DST: variants seen among roughly 807,000 people sequenced by gnomAD.
DST encodes dystonin, also known as bullous pemphigoid antigen.
Under a neutral mutation model 875.2 loss-of-function variants are expected in DST, and 253 were observed. That is an observed-to-expected ratio of 0.29 (90% CI 0.26 to 0.32). DST has a LOEUF of 0.32. Ranked by LOEUF, DST falls within the 10% of genes least tolerant of loss-of-function variation. DST has a pLI of 1.00. For synonymous variants in DST, 3,124 were observed against 3,197.1 expected, an observed-to-expected ratio of 0.98 and a Z score of 0.77; for missense variants, 8,287 against 9,111.6, an observed-to-expected ratio of 0.91 and a Z score of 3.68.
In DST at chr6:56,501,547, G is replaced by A; in HGVS notation, c.19713C>T (p.Ser6571=). The change falls in exon 79 of 104, where the codon AGC becomes AGT. Residue 6571 remains serine (S), a synonymous_variant. Transcript: ENST00000680361. ...GTCTGTTGATGATTCTCTCCTCCAG[G>A]CTATCCCATATCAATTTCAGTTCCA... ...PLMELKLIWD[S]LEERIINRQH... is the part of the protein sequence containing the mutation. 1 of 1,597,324 alleles carries A rather than the reference G, an allele frequency of 6.3e-7. No individual in the cohort carries two copies. The highest frequency in any genetic ancestry group is 8.5e-7 in the Non-Finnish European group (1 of 1,171,178).
At chr6:56,814,959 A>C (rs942962144) in intron 4 of DST, among the ~76,000 whole-genome samples, 22 of 152,126 alleles carry the variant, frequency 1.4e-4, no homozygotes, top group African/African-American at 1.7e-4. Context: ...GAGACAGCAC[A>C]GTGTAGGTGA....
At chr6:56,617,122 C>A (rs2098634695) in intron 36 of DST, 1 of 1,611,640 alleles carries the variant, frequency 6.2e-7, no homozygotes. Flanking sequence ...GACCGAGTCG[C>A]AGCTGCTCAA....
intron 8 of DST, among the ~76,000 whole-genome samples, 169 bp from the exon 9 acceptor site, chr6:56,699,914 T>C (rs1434160810): frequency 1.3e-5 from 2 of 152,232 alleles, no homozygotes; most frequent in Non-Finnish European, 2.9e-5. Flanking sequence ...CATTTTATAT[T>C]ACAAATCATA....
At chr6:56,843,718 G>A (rs2099803565) in intron 4 of DST, 3 of 355,366 alleles carry the variant, frequency 8.4e-6, no homozygotes, top group Non-Finnish European at 1.1e-5. Flanking sequence ...AGGGTGGAGG[G>A]TGGAGGGTGG....
intron 3 of DST, among the ~76,000 whole-genome samples, chr6:56,893,360 T>C (rs1038473725): frequency 3.3e-5 from 5 of 152,186 alleles, no homozygotes; most frequent in Non-Finnish European, 7.3e-5. Context: ...TGAGTAGTAT[T>C]CCATCGTATA....
At chr6:56,520,425 G>A (rs1315420495) in intron 69 of DST, among the ~76,000 whole-genome samples, 2 of 152,050 alleles carry the variant, frequency 1.3e-5, no homozygotes, top group Admixed American at 6.6e-5. Flanking sequence ...GAATGGGTAT[G>A]GCTCACAGAG....
At chr6:56,733,122 G>T (rs1466552547) in intron 5 of DST, among the ~76,000 whole-genome samples, 3 of 152,058 alleles carry the variant, frequency 2.0e-5, no homozygotes, top group African/African-American at 7.2e-5. Context: ...AGGACTCCAG[G>T]CCCCCAAATC....
chr6:56,924,970 C>A (rs1806254735), intron 2 of DST, among the ~76,000 whole-genome samples: 1 of 152,092 alleles, frequency 6.6e-6, no homozygotes, highest in Non-Finnish European at 1.5e-5. Flanking sequence ...CTTAATCCAG[C>A]TTATTCCTTT....
chr6:56,642,339 A>G (rs2098915158), intron 16 of DST, 71 bp downstream of exon 16: 4 of 1,136,980 alleles, frequency 3.5e-6, no homozygotes, highest in Middle Eastern at 1.9e-4. Context: ...ACATTATGTA[A>G]AAGTTTTAGT....
At chr6:56,887,529 G>A (rs1785175934) in intron 3 of DST, among the ~76,000 whole-genome samples, 2 of 152,060 alleles carry the variant, frequency 1.3e-5, no homozygotes, top group South Asian at 2.1e-4. Flanking sequence ...TCTTTGAAGG[G>A]GCTTTCTTTT....
At chr6:56,865,335 G>C (rs1467195665) in intron 3 of DST, among the ~76,000 whole-genome samples, 1 of 151,936 alleles carries the variant, frequency 6.6e-6, no homozygotes, top group Admixed American at 6.6e-5. Context: ...GAGAGAGAGA[G>C]AGCATCTTGC....
intron 4 of DST, among the ~76,000 whole-genome samples, chr6:56,753,856 C>T (rs141951659): frequency 1.3e-5 from 2 of 152,288 alleles, no homozygotes; most frequent in Non-Finnish European, 2.9e-5. Context: ...ATCATGGAGG[C>T]ATATTCATTA....
At chr6:56,680,952 A>T (rs986945112) in intron 9 of DST, among the ~76,000 whole-genome samples, 1 of 152,210 alleles carries the variant, frequency 6.6e-6, no homozygotes, top group Non-Finnish European at 1.5e-5. Context: ...TAATCTTTAC[A>T]ATATACAATA....
At chr6:56,591,774 A>G (rs1585925154) in intron 49 of DST, among the ~76,000 whole-genome samples, 1 of 151,936 alleles carries the variant, frequency 6.6e-6, no homozygotes, top group Admixed American at 6.6e-5. Context: ...GGAGTTCAAG[A>G]CCAGCCCAGC....
Position 56,606,680 on chromosome 6 carries a change from C to A in DST, c.7948G>T (p.Glu2650Ter). The part of the protein sequence containing the change: ...DYDTLQEEND[E>*]TASPADVFYD... ...AAAACATCAGCAGGAGAAGCCGTCT[C>A]ATCATTTTCCTCTTGCAGTGTGTCG... Residue 2650 changes from glutamate to a stop codon, truncating the protein, a stop_gained, in exon 40 of 104, where the codon GAG becomes TAG. Transcript: ENST00000680361. LOFTEE classifies it high-confidence loss of function. 6.2e-7 allele frequency: 1 copy of A among 1,613,660 alleles called. No individual in the cohort carries two copies. Among genetic ancestry groups the A allele is most frequent in the Non-Finnish European group, 8.5e-7 (1 of 1,179,668 alleles).
chr6:56,815,672 C>T (rs2099765656), intron 4 of DST, among the ~76,000 whole-genome samples: 1 of 152,156 alleles, frequency 6.6e-6, no homozygotes, highest in African/African-American at 2.4e-5. Context: ...TGAGCCATTT[C>T]AGAGGACACC....
intron 4 of DST, among the ~76,000 whole-genome samples, chr6:56,752,551 CTA>C (rs927479199): frequency 6.6e-6 from 1 of 152,070 alleles, no homozygotes; most frequent in Admixed American, 6.6e-5. Flanking sequence ...TCTGGTTGTT[CTA>C]TGTTTCACAT....
chr6:56,871,257 C>T (rs1562243279), intron 3 of DST: 1 of 775,444 alleles, frequency 1.3e-6, no homozygotes, highest in Non-Finnish European at 2.4e-6. Context: ...TTCAAATCTT[C>T]GTGTTCACTT....
At chr6:56,878,330 A>G (rs188849777) in intron 3 of DST, among the ~76,000 whole-genome samples, 18 of 152,332 alleles carry the variant, frequency 1.2e-4, no homozygotes, top group Admixed American at 6.5e-4. Flanking sequence ...CCTGGAGTTT[A>G]AGGAACATGT....
Sources: gnomAD v4.1 joint callset for allele counts (sites outside exome capture counted in the v4.1 genomes callset) on GRCh38, gnomAD v4.1.1 for gene constraint, MANE v1.5 for transcripts, NCBI Gene and HGNC (gene_info 2026-07-23, HGNC 2026-07-21) for gene names.